COL6A5: variants seen among roughly 807,000 people sequenced by gnomAD.
COL6A5 encodes collagen type VI alpha 5 chain.
Under a neutral mutation model 65.6 loss-of-function variants are expected in COL6A5, and 48 were observed. The ratio of observed to expected loss-of-function variants is 0.73; its 90% CI spans 0.58 to 0.93. The LOEUF is 0.93. COL6A5 is among the 40% of genes least tolerant of loss of function. COL6A5 has a pLI of 0.00. For synonymous variants in COL6A5, 291 were observed against 322.8 expected (o/e 0.90, Z 1.05); for missense variants, 914 against 928.3 (o/e 0.98, Z 0.20).
chr3:130,370,375 G>A (rs1935508653), intron 1 of COL6A5, among the ~76,000 whole-genome samples: 1 of 152,210 alleles, frequency 6.6e-6, no homozygotes, highest in African/African-American at 2.4e-5. Context: ...AGGACCAAGA[G>A]TCATAGAAAG....
intron 6 of COL6A5, 138 bp from the exon 39 acceptor site, chr3:130,470,733 G>C: frequency 1.6e-6 from 1 of 616,114 alleles, no homozygotes; most frequent in Non-Finnish European, 3.0e-6. Context: ...CCATGTCAGA[G>C]TGTGCCTATT....
rs181428626 is a variant in COL6A5, at chr3:130,413,990, G to T, written c.4699-79G>T. 243 of 1,057,674 alleles carry T rather than the reference G, an allele frequency of 2.3e-4. 2 individuals are homozygous for T. The highest frequency in any genetic ancestry group is 3.8e-4 in the Admixed American group (18 of 47,688). 65.5% of individuals were successfully genotyped at this position (1,057,674 alleles called of 1,614,324 possible). A position where few individuals can be genotyped will look rare whatever the true frequency, so the allele number is the denominator to read the frequency against. The stretch of plus-strand genomic sequence containing the variant: ...GTCAGACAAAATAGTACCTATTTCT[G>T]ATGTAAATAGTATGAAAAGAAAATC... On this transcript the variant is annotated intron_variant and NMD_transcript_variant, in intron 21 of 41. Coordinates refer to the COL6A5 transcript ENST00000312481.
chr3:130,432,995 A>G (rs545167910), intron 1 of COL6A5, among the ~76,000 whole-genome samples: 13 of 152,270 alleles, frequency 8.5e-5, no homozygotes, highest in African/African-American at 2.9e-4. Flanking sequence ...TAAAGCCATC[A>G]TGTCCTTCAA....
chr3:130,399,711 A>AT (rs1936748985), intron 10 of COL6A5, among the ~76,000 whole-genome samples: 1 of 148,032 alleles, frequency 6.8e-6, no homozygotes, highest in South Asian at 2.2e-4. Context: ...ATATGAAACT[A>AT]TTTTTTCCCA....
rs1261876743 is a variant in COL6A5, at chr3:130,397,634, G to A, written c.3620G>A (p.Gly1207Glu). 3.2e-6 allele frequency: 5 copies of A among 1,551,428 alleles called. No individual in the cohort carries two copies. In the Admixed American group the frequency reaches 9.8e-5, roughly 30 times the overall value. ...TTTGACATCTCCACTCATGTGCAGG[G>A]GCAGCCTTTGTTCCAGGGCCACCCC... Residue 1207 changes from glycine to glutamate, a missense_variant and NMD_transcript_variant, in exon 9 of 42, where the codon GGG (glycine) becomes GAG (glutamate). Physicochemically the swap from Gly to Glu is moderately conservative, Grantham distance 98. Coordinates refer to the COL6A5 transcript ENST00000312481.
At chr3:130,385,359 A>C in exon 5 of COL6A5, 1 of 1,549,024 alleles carries the variant, frequency 6.5e-7, no homozygotes, top group East Asian at 2.4e-5. Flanking sequence ...ATCTGCGCTG[A>C]AAAAGGTAAG....
At chr3:130,466,834 C>T (rs1260584823) in intron 5 of COL6A5, among the ~76,000 whole-genome samples, 1 of 151,878 alleles carries the variant, frequency 6.6e-6, no homozygotes, top group Non-Finnish European at 1.5e-5. Context: ...CAATCTTTTG[C>T]ATATAAATCA....
At chr3:130,438,929 A>G (rs1709102791) in intron 1 of COL6A5, among the ~76,000 whole-genome samples, 1 of 152,192 alleles carries the variant, frequency 6.6e-6, no homozygotes. Flanking sequence ...GTGTACCACC[A>G]GGAATTTTGA....
rs139985333 is a variant in COL6A5 at position 130,432,986 on chromosome 3, A to G, written c.487+1037A>G. On this transcript the variant is annotated intron_variant, in intron 1 of 7. Transcript: ENST00000512836. ...AAAATACATTCTTCTGGAGCTGTGT[A>G]AAGCCATCATGTCCTTCAAGAGATT... is the stretch of plus-strand genomic sequence containing the variant. Among the ~76,000 whole-genome samples the G allele has an allele frequency of 8.0e-4, 122 of 152,284 alleles. No individual in the cohort carries two copies. The East Asian group carries it at 0.022, about 27-fold the overall frequency.
At chr3:130,413,509 C>G in intron 20 of COL6A5, 36 bp from the exon 21 acceptor site, 2 of 1,538,396 alleles carry the variant, frequency 1.3e-6, no homozygotes, top group Non-Finnish European at 1.8e-6. Flanking sequence ...TCCATTCAGA[C>G]ATCCACATAC....
At chr3:130,380,535 A>G (rs1402304660) in intron 4 of COL6A5, among the ~76,000 whole-genome samples, 1 of 152,110 alleles carries the variant, frequency 6.6e-6, no homozygotes, top group African/African-American at 2.4e-5. Flanking sequence ...ACCACATTGT[A>G]TGTATCAGTG....
intron 1 of COL6A5, among the ~76,000 whole-genome samples, chr3:130,352,303 T>TA (rs879489523): frequency 0.01 from 1,504 of 145,148 alleles, 34 homozygotes; most frequent in African/African-American, 0.035. Flanking sequence ...ACTTAAGGTG[T>TA]AAAAAAAAAA....
chr3:130,421,094 A>G, intron 25 of COL6A5, 59 bp from the exon 26 acceptor site: 2 of 1,450,636 alleles, frequency 1.4e-6, no homozygotes, highest in African/African-American at 1.4e-5. Context: ...TCTCCCCAGT[A>G]TAGATTAAAA....
intron 28 of COL6A5, among the ~76,000 whole-genome samples, chr3:130,423,432 TG>T (rs1937548808): frequency 6.6e-6 from 1 of 152,132 alleles, no homozygotes; most frequent in Admixed American, 6.6e-5. Flanking sequence ...TCCATCACTT[TG>T]GGGTATGAGA....
chr3:130,442,596 G>A (rs1467416735), intron 3 of COL6A5, among the ~76,000 whole-genome samples: 1 of 152,134 alleles, frequency 6.6e-6, no homozygotes, highest in Non-Finnish European at 1.5e-5. Context: ...AGGCTCCTCT[G>A]CTGGTATTTA....
At chr3:130,455,689 T>C (rs760091745) in intron 5 of COL6A5, 23 bp downstream of exon 37, 4 of 1,549,836 alleles carry the variant, frequency 2.6e-6, no homozygotes, top group Non-Finnish European at 3.6e-6. Flanking sequence ...AAAGTCATGA[T>C]GGAAATGTTT....
intron 17 of COL6A5, among the ~76,000 whole-genome samples, chr3:130,408,571 T>C (rs1034939437): frequency 2.0e-5 from 3 of 152,204 alleles, no homozygotes; most frequent in African/African-American, 7.2e-5. Context: ...GCCCTTGTGA[T>C]ATTTTATTGC....
At chr3:130,440,495 A>G in exon 3 of COL6A5, 1 of 1,613,732 alleles carries the variant, frequency 6.2e-7, no homozygotes, top group Non-Finnish European at 8.5e-7. Flanking sequence ...CCAACAGCTA[A>G]ATGGAGAAGC....
chr3:130,365,134 A>G (rs1935285502), intron 1 of COL6A5, among the ~76,000 whole-genome samples: 1 of 152,184 alleles, frequency 6.6e-6, no homozygotes, highest in African/African-American at 2.4e-5. Context: ...ATGCTGGCCT[A>G]AGCCAGGTGT....
Sources: gnomAD v4.1 joint callset for allele counts (sites outside exome capture counted in the v4.1 genomes callset) on GRCh38, gnomAD v4.1.1 for gene constraint, MANE v1.5 for transcripts, NCBI Gene and HGNC (gene_info 2026-07-23, HGNC 2026-07-21) for gene names.